The following ARID4B variants were observed in gnomAD, a reference collection of about 807,000 sequenced individuals.
The protein encoded by ARID4B is AT-rich interaction domain 4B.
ARID4B carries 26 observed loss-of-function variants against 147.5 expected under a neutral mutation model. The observed-to-expected ratio is 0.18, with a 90% CI of 0.13 to 0.24. The LOEUF is 0.24. Among genes scored for constraint, ARID4B ranks in the 10% least tolerant of loss-of-function variants. The pLI is 1.00. For synonymous variants in ARID4B, 512 were observed against 507.9 expected (o/e 1.01, Z -0.11); for missense variants, 1,179 against 1,511.5 (o/e 0.78, Z 3.65).
intron 2 of ARID4B, among the ~76,000 whole-genome samples, chr1:235,291,485 T>G (rs1672335385): frequency 6.6e-6 from 1 of 151,996 alleles, no homozygotes; most frequent in Admixed American, 6.6e-5. Context: ...ATTTTTACAC[T>G]TAGAATGGTT....
chr1:235,211,100 G>A (rs918484153), intron 17 of ARID4B, among the ~76,000 whole-genome samples: 1 of 152,174 alleles, frequency 6.6e-6, no homozygotes, highest in Non-Finnish European at 1.5e-5. Context: ...TTGGGAGGCT[G>A]AGGCAGGTGG....
intron 23 of ARID4B, among the ~76,000 whole-genome samples, chr1:235,169,297 G>A (rs1663161196): frequency 6.6e-6 from 1 of 151,862 alleles, no homozygotes; most frequent in Admixed American, 6.6e-5. Flanking sequence ...CTGGAGTGCA[G>A]TGGCTCGATC....
At chr1:235,181,282 C>T (rs1310005286) in intron 20 of ARID4B, 7 of 553,348 alleles carry the variant, frequency 1.3e-5, no homozygotes, top group African/African-American at 2.0e-5. Context: ...ATATAGTCAA[C>T]CACTGCATAT....
At chr1:235,179,491 C>T (rs938135399) in intron 20 of ARID4B, among the ~76,000 whole-genome samples, 1 of 134,852 alleles carries the variant, frequency 7.4e-6, no homozygotes, top group African/African-American at 2.8e-5. Context: ...CCACTGCACT[C>T]CAGCCTGGGC....
chr1:235,270,209 G>T (rs1292435141), intron 2 of ARID4B, among the ~76,000 whole-genome samples: 1 of 152,140 alleles, frequency 6.6e-6, no homozygotes, highest in South Asian at 2.1e-4. Context: ...TGTGAACCCA[G>T]GAGGTGGTGC....
chr1:235,232,313 G>A (rs570689829), intron 9 of ARID4B, among the ~76,000 whole-genome samples: 34 of 151,926 alleles, frequency 2.2e-4, no homozygotes, highest in African/African-American at 7.3e-4. Context: ...CCAGCTACTC[G>A]AGAGGCTGAG....
chr1:235,251,542 A>G (rs1257356504), intron 6 of ARID4B, among the ~76,000 whole-genome samples: 1 of 152,144 alleles, frequency 6.6e-6, no homozygotes, highest in Non-Finnish European at 1.5e-5. Flanking sequence ...AAAATTTTTC[A>G]AAACAAAAAC....
chr1:235,247,497 T>A (rs1669370950), intron 6 of ARID4B, among the ~76,000 whole-genome samples: 1 of 152,194 alleles, frequency 6.6e-6, no homozygotes, highest in African/African-American at 2.4e-5. Flanking sequence ...GGTACATAGA[T>A]GTATGTATCT....
intron 10 of ARID4B, among the ~76,000 whole-genome samples, chr1:235,230,583 T>C (rs1668137913): frequency 8.1e-6 from 1 of 123,592 alleles, no homozygotes; most frequent in South Asian, 2.4e-4. Flanking sequence ...TTATTATGCC[T>C]GACTATAAGC....
At chr1:235,211,819 C>T (rs563877139) in intron 17 of ARID4B, among the ~76,000 whole-genome samples, 56 of 152,194 alleles carry the variant, frequency 3.7e-4, no homozygotes, top group African/African-American at 1.2e-3. Flanking sequence ...CATTTATATT[C>T]GGTAAGATAA....
intron 19 of ARID4B, among the ~76,000 whole-genome samples, chr1:235,184,441 GC>G (rs2102931275): frequency 6.7e-6 from 1 of 150,114 alleles, no homozygotes; most frequent in African/African-American, 2.4e-5. Flanking sequence ...ACAAAACAAA[GC>G]AAAAAAAAAG....
At chr1:235,287,875 C>A (rs983241709) in intron 2 of ARID4B, among the ~76,000 whole-genome samples, 1 of 152,216 alleles carries the variant, frequency 6.6e-6, no homozygotes, top group African/African-American at 2.4e-5. Context: ...ACTACTGTCT[C>A]CTTATTTAGG....
At position 235,181,655 on chromosome 1, in the gene ARID4B, C is replaced by T. The variant is rs746475507; in HGVS notation, c.3264G>A (p.Ser1088=). 61 of 1,613,908 alleles carry T rather than the reference C, an allele frequency of 3.8e-5. No individual in the cohort carries two copies. Among genetic ancestry groups the T allele is most frequent in the Non-Finnish European group, 4.6e-5 (54 of 1,180,028 alleles). The change falls in exon 20 of 24, where the codon TCG becomes TCA. Residue 1088 remains serine, a synonymous_variant. Coordinates refer to ENST00000264183, the MANE Select transcript of ARID4B (RefSeq NM_016374.6). ...LQDLQSEGNS[S]PAGFDASVSS... ...TCACACTGGCATCAAAACCTGCTGG[C>T]GAGCTATTCCCTTCAGACTGGAGGT...
intron 2 of ARID4B, among the ~76,000 whole-genome samples, chr1:235,268,234 G>A (rs1018925121): frequency 5.3e-5 from 8 of 152,100 alleles, no homozygotes; most frequent in Non-Finnish European, 1.0e-4. Flanking sequence ...ATATAGTGGG[G>A]GCCATGTTTT....
At chr1:235,236,862 A>ATAT (rs1426582533) in intron 8 of ARID4B, among the ~76,000 whole-genome samples, 7 of 17,494 alleles carry the variant, frequency 4.0e-4, no homozygotes, top group Non-Finnish European at 4.7e-4. Flanking sequence ...ATATATATAT[A>ATAT]TTTTTTTTTT....
rs560775955 is a variant in ARID4B at position 235,250,988 on chromosome 1, G to A, written c.354+1742C>T. The stretch of plus-strand genomic sequence containing the variant: ...AAGTCCTCATACTCACTGACTGTAC[G>A]GAAATGAAATTAAAATAATTCCACG... On this transcript the variant is annotated intron_variant, in intron 6 of 23. Transcript: ENST00000264183. 1.1e-4 allele frequency among the ~76,000 whole-genome samples: 17 copies of A among 152,180 alleles called. No individual in the cohort carries two copies. In the East Asian group the frequency reaches 2.5e-3, roughly 22 times the overall value.
In ARID4B at chr1:235,182,575, A is replaced by T; in HGVS notation, c.2344T>A (p.Leu782Ile). Reference sequence around the variant, plus strand: ...GATAATACTTCTATATCTTTCCTTAATCTTTCTGGAGATTTTGACACTGGT... The same window carrying T: ...GATAATACTTCTATATCTTTCCTTATTCTTTCTGGAGATTTTGACACTGGT... ...SKPVSKSPER[L>I]RKDIEVLSED... The change falls in exon 20 of 24, where the codon TTA becomes ATA. Residue 782 changes from leucine to isoleucine, a missense_variant. Physicochemically the swap from Leu to Ile is conservative, Grantham distance 5 (BLOSUM62 2). This residue lies in a region of ARID4B where 321 missense variants were observed against 342.4 expected (regional missense o/e 0.94). Coordinates refer to ENST00000264183, the MANE Select transcript of ARID4B (RefSeq NM_016374.6). 6.2e-7 allele frequency: 1 copy of T among 1,612,034 alleles called. No homozygotes were observed. The highest frequency in any genetic ancestry group is 1.1e-5 in the South Asian group (1 of 90,574).
intron 2 of ARID4B, among the ~76,000 whole-genome samples, chr1:235,281,444 G>A (rs1356751121): frequency 1.3e-5 from 2 of 149,802 alleles, no homozygotes; most frequent in Non-Finnish European, 3.0e-5. Flanking sequence ...CCAGCTACAC[G>A]GGAGGCTGAG....
chr1:235,277,737 C>T (rs930873410), intron 2 of ARID4B, among the ~76,000 whole-genome samples: 1 of 151,602 alleles, frequency 6.6e-6, no homozygotes, highest in Admixed American at 6.6e-5. Context: ...TTGGCCATTC[C>T]TTCCATACTA....
Sources: gnomAD v4.1 joint callset for allele counts (sites outside exome capture counted in the v4.1 genomes callset) on GRCh38, gnomAD v4.1.1 for gene constraint, gnomAD v4.1.1 regional missense constraint, MANE v1.5 for transcripts, NCBI Gene and HGNC (gene_info 2026-07-23, HGNC 2026-07-21) for gene names.